AJAP1: variants seen among roughly 807,000 people sequenced by gnomAD.
AJAP1 encodes the protein adherens junctions associated protein 1.
A neutral mutation model predicts 35.0 loss-of-function variants in AJAP1; 5 were observed. The observed-to-expected ratio is 0.14, with a 90% CI of 0.07 to 0.30. The LOEUF is 0.30. Ranked by LOEUF, AJAP1 falls within the 10% of genes least tolerant of loss-of-function variation. The probability of loss-of-function intolerance (pLI) is 1.00; values close to 1 mark genes in which losing one functional copy is unlikely to be tolerated. For missense variants in AJAP1, 586 were observed against 571.0 expected (o/e 1.03, Z -0.27); for synonymous variants, 284 against 249.3 (o/e 1.14, Z -1.31).
intron 1 of AJAP1, among the ~76,000 whole-genome samples, chr1:4,659,493 AGTG>A (rs1402374056): frequency 3.9e-5 from 6 of 151,960 alleles, no homozygotes; most frequent in Non-Finnish European, 7.4e-5. Context: ...CGGAGCAGGG[AGTG>A]GTGGTGGTTA....
intron 5 of AJAP1, among the ~76,000 whole-genome samples, chr1:4,777,235 G>T (rs1641957629): frequency 6.6e-6 from 1 of 152,176 alleles, no homozygotes; most frequent in Admixed American, 6.5e-5. Context: ...TTTAATTAAG[G>T]TTTAAGAGCC....
intron 2 of AJAP1, among the ~76,000 whole-genome samples, chr1:4,731,498 A>G (rs1199980989): frequency 6.6e-6 from 1 of 152,228 alleles, no homozygotes; most frequent in Non-Finnish European, 1.5e-5. Context: ...AGTGGTCCCC[A>G]GAGACTTCAG....
intron 2 of AJAP1, among the ~76,000 whole-genome samples, chr1:4,728,418 C>T (rs1640720255): frequency 6.6e-6 from 1 of 152,200 alleles, no homozygotes; most frequent in Non-Finnish European, 1.5e-5. Flanking sequence ...TGCACTCACA[C>T]TGCCACAGCC....
chr1:4,744,172 A>G (rs1235302689), intron 2 of AJAP1, among the ~76,000 whole-genome samples: 1 of 152,182 alleles, frequency 6.6e-6, no homozygotes, highest in African/African-American at 2.4e-5. Context: ...GCAGCCACGC[A>G]TGTGTGGGTT....
intron 2 of AJAP1, among the ~76,000 whole-genome samples, chr1:4,748,434 C>T (rs572694364): frequency 2.0e-5 from 3 of 152,198 alleles, no homozygotes; most frequent in East Asian, 1.9e-4. Flanking sequence ...GTAGTCACGA[C>T]GTTGTGGTCC....
intron 2 of AJAP1, among the ~76,000 whole-genome samples, chr1:4,766,333 T>A (rs774853453): frequency 6.6e-6 from 1 of 152,190 alleles, no homozygotes; most frequent in Non-Finnish European, 1.5e-5. Flanking sequence ...GGGATCCACA[T>A]GAAGATTTAC....
intron 1 of AJAP1, among the ~76,000 whole-genome samples, chr1:4,705,941 C>T (rs1222236210): frequency 1.3e-5 from 2 of 152,220 alleles, no homozygotes; most frequent in African/African-American, 4.8e-5. Context: ...GACGCTGTGG[C>T]ATGGTGACCT....
At chr1:4,763,714 C>T (rs1488417229) in intron 2 of AJAP1, among the ~76,000 whole-genome samples, 1 of 151,524 alleles carries the variant, frequency 6.6e-6, no homozygotes, top group Non-Finnish European at 1.5e-5. Flanking sequence ...TCTCCCTCTC[C>T]CTCCCTCCTC....
At chr1:4,702,214 C>T (rs1441238140) in intron 1 of AJAP1, among the ~76,000 whole-genome samples, 1 of 152,146 alleles carries the variant, frequency 6.6e-6, no homozygotes, top group Non-Finnish European at 1.5e-5. Flanking sequence ...GTCCCTGCTC[C>T]TACAGCTGCA....
Position 4,712,421 on chromosome 1 carries a change from G to A in AJAP1, c.551G>A (p.Gly184Glu). Reference sequence around the variant, plus strand: ...ACAGAGACTGAGTTCATCGCCTGGGGGCCCACGGGGGACGAGGAGGCCCTG... The same window carrying A: ...ACAGAGACTGAGTTCATCGCCTGGGAGCCCACGGGGGACGAGGAGGCCCTG... The part of the protein sequence containing the change: ...PTTETEFIAW[G>E]PTGDEEALES... The change falls in exon 2 of 6, where the codon GGG (glycine) becomes GAG (glutamate). Residue 184 changes from glycine (G) to glutamate (E), a missense_variant. Transcript: ENST00000378191. 1 of 1,600,128 alleles carries A rather than the reference G, an allele frequency of 6.2e-7. No individual in the cohort carries two copies. The highest frequency in any genetic ancestry group is 8.5e-7 in the Non-Finnish European group (1 of 1,173,634).
At chr1:4,679,808 G>GGGGTGTGT (rs71580281) in intron 1 of AJAP1, among the ~76,000 whole-genome samples, 14 of 142,324 alleles carry the variant, frequency 9.8e-5, no homozygotes, top group East Asian at 2.1e-4. Context: ...GAACCAATAG[G>GGGGTGTGT]GTGTGTGTGT....
At chr1:4,767,414 A>T (rs1305112759) in intron 2 of AJAP1, among the ~76,000 whole-genome samples, 1 of 149,646 alleles carries the variant, frequency 6.7e-6, no homozygotes, top group Non-Finnish European at 1.5e-5. Flanking sequence ...ACCACCACCA[A>T]CATCATCGTT....
intron 1 of AJAP1, among the ~76,000 whole-genome samples, chr1:4,673,044 A>G (rs1639281806): frequency 6.6e-6 from 1 of 152,198 alleles, no homozygotes; most frequent in African/African-American, 2.4e-5. Flanking sequence ...TCCTACAGCC[A>G]CAAGGAACTG....
intron 2 of AJAP1, among the ~76,000 whole-genome samples, chr1:4,727,690 C>T (rs372876707): frequency 1.3e-5 from 2 of 152,290 alleles, no homozygotes; most frequent in East Asian, 1.9e-4. Context: ...TGGATGGGGC[C>T]GTGACCTGCC....
chr1:4,729,597 C>T (rs896404930), intron 2 of AJAP1, among the ~76,000 whole-genome samples: 1 of 152,376 alleles, frequency 6.6e-6, no homozygotes, highest in East Asian at 1.9e-4. Flanking sequence ...TGTCTCCACC[C>T]GAGCCTTCCC....
At chr1:4,731,914 C>T (rs1190388904) in intron 2 of AJAP1, among the ~76,000 whole-genome samples, 5 of 152,246 alleles carry the variant, frequency 3.3e-5, no homozygotes, top group Non-Finnish European at 7.3e-5. Flanking sequence ...ACCTGTAGCC[C>T]TCTTCTCCAT....
At chr1:4,750,082 G>A (rs1442438729) in intron 2 of AJAP1, among the ~76,000 whole-genome samples, 1 of 152,050 alleles carries the variant, frequency 6.6e-6, no homozygotes, top group East Asian at 1.9e-4. Context: ...GTCTGGTTGT[G>A]TTTGGGTCAG....
chr1:4,773,286 G>C (rs1641879090), intron 4 of AJAP1, among the ~76,000 whole-genome samples: 1 of 152,146 alleles, frequency 6.6e-6, no homozygotes, highest in Admixed American at 6.5e-5. Flanking sequence ...CCCAGAAAGG[G>C]CTCCCCTGGA....
chr1:4,751,804 C>T (rs1281935401), intron 2 of AJAP1, among the ~76,000 whole-genome samples: 1 of 152,198 alleles, frequency 6.6e-6, no homozygotes, highest in East Asian at 1.9e-4. Flanking sequence ...GGTGCGTTTC[C>T]ACTATGTGTA....
Sources: gnomAD v4.1 joint callset for allele counts (sites outside exome capture counted in the v4.1 genomes callset) on GRCh38, gnomAD v4.1.1 for gene constraint, MANE v1.5 for transcripts, NCBI Gene and HGNC (gene_info 2026-07-23, HGNC 2026-07-21) for gene names.